L1CAM: variants seen among roughly 807,000 people sequenced by gnomAD.
L1CAM encodes neural cell adhesion molecule L1.
A neutral mutation model predicts 93.0 loss-of-function variants in L1CAM; 8 were observed. The observed-to-expected ratio is 0.09, with a 90% CI of 0.05 to 0.16. The LOEUF (loss-of-function observed/expected upper bound fraction) is 0.16. Ranked by LOEUF, L1CAM falls within the 10% of genes least tolerant of loss-of-function variation. L1CAM has a pLI of 1.00. For synonymous variants in L1CAM, 453 were observed against 453.0 expected (o/e 1.00, Z 0.00); for missense variants, 777 against 1,073.4 (o/e 0.72, Z 3.86).
chrX:153,884,148 G>A (rs1004955505), intron 1 of L1CAM: 27 of 871,521 alleles, frequency 3.1e-5, no homozygotes, highest in Non-Finnish European at 4.1e-5. Flanking sequence ...ACGAAGACAG[G>A]GACAATGCTG....
At position 153,863,941 on chromosome X, in the gene L1CAM, CAGG is replaced by C; in HGVS notation, c.3396_3398del (p.Leu1135del). On this transcript the variant is annotated inframe_deletion, in exon 26 of 29. Coordinates refer to ENST00000370060, the MANE Select transcript of L1CAM (RefSeq NM_001278116.2). Reference sequence around the variant, plus strand: ...AGCAGAGGATGAGCAGGACGAGGAGCAGGAGGATGATGGCACTCACAAAGCCGA... The same window carrying C: ...AGCAGAGGATGAGCAGGACGAGGAGCAGGATGATGGCACTCACAAAGCCGA... 8.2e-7 allele frequency: 1 copy of C among 1,212,228 alleles called. No individual in the cohort carries two copies. The highest frequency in any genetic ancestry group is 1.1e-6 in the Non-Finnish European group (1 of 895,503).
intron 1 of L1CAM, among the ~76,000 whole-genome samples, chrX:153,882,203 C>T (rs1016728382): frequency 1.8e-5 from 2 of 111,608 alleles, no homozygotes; most frequent in African/African-American, 6.5e-5. Context: ...AGCCCGGGGG[C>T]GGACAATGGG....
At chrX:153,864,259 G>A (rs2064690823) in intron 25 of L1CAM, 63 bp downstream of exon 25, 4 of 1,153,179 alleles carry the variant, frequency 3.5e-6, no homozygotes, top group Middle Eastern at 6.2e-4. Flanking sequence ...GGGGACAGAA[G>A]GACATGAATT....
Position 153,868,752 on chromosome X carries a change from C to T in L1CAM, c.1380-25G>A, listed in dbSNP as rs782361341. The T allele has an allele frequency of 5.0e-6, 6 of 1,209,418 alleles. No individual in the cohort carries two copies. In the South Asian group the frequency reaches 5.3e-5, roughly 11 times the overall value. ...CCTGGAGGGAGCAGGGCGGGCCTGG[C>T]TCTGACTGGCTGGCCTGGGCTCCCT... On this transcript the variant is annotated intron_variant, in intron 12 of 28. Coordinates refer to ENST00000370060, the MANE Select transcript of L1CAM (RefSeq NM_001278116.2).
chrX:153,872,608 C>T lies in L1CAM; in HGVS notation c.181G>A (p.Gly61Ser). Residue 61 changes from glycine to serine, a missense_variant, in exon 4 of 29, where the codon GGC (glycine) becomes AGC (serine). Gly to Ser is a moderately conservative substitution (Grantham distance 56). Coordinates refer to ENST00000370060, the MANE Select transcript of L1CAM (RefSeq NM_001278116.2). ...ATCACTCACTGCACTTCGGGCTTGC[C>T]ACTGGCCTCACACTTGAGGCTGATG... ...DDISLKCEAS[G>S]KPEVQFRWTR... The T allele has an allele frequency of 8.3e-7, 1 of 1,207,845 alleles. No individual in the cohort carries two copies. The highest frequency in any genetic ancestry group is 1.1e-6 in the Non-Finnish European group (1 of 891,976).
rs200004370 is a variant in L1CAM, at chrX:153,870,057, C to T, written c.990G>A (p.Glu330=). Residue 330 remains glutamate (E), a splice_region_variant and synonymous_variant, in exon 9 of 29, where the codon GAG becomes GAA. Transcript: ENST00000370060. ...GCCACTGTCCCAGGAGGTCCATACC[C>T]TCCACGGTGACATAGTACGCATGCC... ...SARHAYYVTV[E]AAPYWLHKPQ... is the part of the protein sequence containing the mutation. The T allele has an allele frequency of 7.4e-5, 90 of 1,210,406 alleles. No homozygotes were observed. The highest frequency in any genetic ancestry group is 8.5e-5 in the Non-Finnish European group (76 of 895,234).
chrX:153,879,432 T>C (rs1216311001), intron 1 of L1CAM, among the ~76,000 whole-genome samples: 3 of 88,369 alleles, frequency 3.4e-5, no homozygotes, highest in Non-Finnish European at 6.5e-5. Context: ...GGGGTGGGCG[T>C]GTGCACGTGC....
chrX:153,878,987 C>T (rs782573854), intron 1 of L1CAM, among the ~76,000 whole-genome samples: 15 of 111,095 alleles, frequency 1.4e-4, no homozygotes, highest in African/African-American at 4.9e-4. Context: ...CAGAAGGTTG[C>T]GAGATATAAC....
At position 153,871,134 on chromosome X, in the gene L1CAM, T is replaced by C; in HGVS notation, c.446A>G (p.Glu149Gly). The stretch of plus-strand genomic sequence containing the variant: ...AGGCAGAACCACTGACTCCCCTTCC[T>C]CCACCTCCACGGGCTTCACTGTCTC... Reference protein sequence around the residue: ...PKETVKPVEVEEGESVVLPCN... With the variant: ...PKETVKPVEVGEGESVVLPCN... Residue 149 changes from glutamate (E) to glycine (G), a missense_variant, in exon 6 of 29, where the codon GAG (glutamate) becomes GGG (glycine). Coordinates refer to ENST00000370060, the MANE Select transcript of L1CAM (RefSeq NM_001278116.2). 8.3e-7 allele frequency: 1 copy of C among 1,209,077 alleles called. No homozygotes were observed. The highest frequency in any genetic ancestry group is 1.1e-6 in the Non-Finnish European group (1 of 894,334).
rs1009363076 is a variant in L1CAM at position 153,861,778 on chromosome X, C to A, written c.*885G>T. 9.2e-6 allele frequency: 1 copy of A among 108,639 alleles called. No homozygotes were observed. Among genetic ancestry groups the A allele is most frequent in the Non-Finnish European group, 1.9e-5 (1 of 52,419 alleles). 9.0% of individuals were successfully genotyped at this position (108,639 alleles called of 1,213,427 possible). On this transcript the variant is annotated 3_prime_UTR_variant, in exon 29 of 29. Coordinates refer to ENST00000370060, the MANE Select transcript of L1CAM (RefSeq NM_001278116.2). ...CAGACATCTGCCTACACACTAGTGG[C>A]GTAAAGGGAAGGACAGGGGTACAAA...
chrX:153,863,935 G>T lies in L1CAM; in HGVS notation c.3405C>A (p.Leu1135=), dbSNP rs782139742. ...TGATGAAGCAGAGGATGAGCAGGAC[G>T]AGGAGCAGGAGGATGATGGCACTCA... ...GFVSAIILLL[L]VLLILCFIKR... Residue 1135 remains leucine (L), a synonymous_variant, in exon 26 of 29, where the codon CTC becomes CTA. Transcript: ENST00000370060. The T allele has an allele frequency of 8.3e-7, 1 of 1,210,977 alleles. No individual in the cohort carries two copies. Among genetic ancestry groups the T allele is most frequent in the African/African-American group, 1.7e-5 (1 of 57,542 alleles).
intron 22 of L1CAM, 21 bp from the exon 23 acceptor site, chrX:153,865,015 T>G: frequency 1.7e-6 from 2 of 1,212,079 alleles, no homozygotes; most frequent in Non-Finnish European, 2.2e-6. Flanking sequence ...AGACAGGGGT[T>G]GGCTGTGGCT....
At position 153,867,515 on chromosome X, in the gene L1CAM, C is replaced by T. The variant is rs200688598; in HGVS notation, c.1978G>A (p.Glu660Lys). Residue 660 changes from glutamate to lysine, a missense_variant, in exon 17 of 29, where the codon GAA becomes AAA. Glu to Lys is a moderately conservative substitution (Grantham distance 56, BLOSUM62 1). Transcript: ENST00000370060. ...IEFEDKEMAPEKWYSLGKVPG... is the reference protein window; with the variant it reads ...IEFEDKEMAPKKWYSLGKVPG... ...ACCTTGCCCAGACTGTACCATTTTT[C>T]AGGCGCCATTTCCTTGTCCTCAAAT... 37 of 1,209,974 alleles carry T rather than the reference C, an allele frequency of 3.1e-5. No individual in the cohort carries two copies. Among genetic ancestry groups the T allele is most frequent in the Non-Finnish European group, 3.8e-5 (34 of 894,752 alleles).
chrX:153,864,049 C>A, intron 25 of L1CAM, 32 bp from the exon 26 acceptor site: 1 of 1,210,275 alleles, frequency 8.3e-7, no homozygotes, highest in South Asian at 1.8e-5. Context: ...CCCGTGCTGC[C>A]GCCCAAGCCA....
intron 1 of L1CAM, among the ~76,000 whole-genome samples, chrX:153,883,513 G>C (rs1186163740): frequency 8.9e-6 from 1 of 112,297 alleles, no homozygotes; most frequent in African/African-American, 3.2e-5. Flanking sequence ...CGACTGCAGG[G>C]GCAGGGATGC....
intron 28 of L1CAM, among the ~76,000 whole-genome samples, chrX:153,863,157 C>T (rs182539824): frequency 3.6e-5 from 4 of 111,722 alleles, no homozygotes; most frequent in African/African-American, 1.3e-4. Flanking sequence ...TGGGGCCTCC[C>T]TTGGGGAGAG....
intron 1 of L1CAM, among the ~76,000 whole-genome samples, chrX:153,884,803 G>C (rs2064868624): frequency 8.9e-6 from 1 of 112,950 alleles, no homozygotes; most frequent in African/African-American, 3.2e-5. Context: ...GCCCTGGGGA[G>C]GCCCCCGCCC....
At chrX:153,886,040 G>A in intron 1 of L1CAM, 25 bp downstream of exon 1, 1 of 427,580 alleles carries the variant, frequency 2.3e-6, no homozygotes, top group Non-Finnish European at 2.9e-6. Flanking sequence ...GGCCCGGGTC[G>A]CACGGGGAGG....
At chrX:153,880,160 T>C (rs148849206) in intron 1 of L1CAM, 136 of 116,635 alleles carry the variant, frequency 1.2e-3, no homozygotes, top group Non-Finnish European at 2.2e-3. Context: ...CCTGCTTTGG[T>C]CTGATGGGAA....
Sources: gnomAD v4.1 joint callset for allele counts (sites outside exome capture counted in the v4.1 genomes callset) on GRCh38, gnomAD v4.1.1 for gene constraint, MANE v1.5 for transcripts, NCBI Gene and HGNC (gene_info 2026-07-23, HGNC 2026-07-21) for gene names.